The following ZSCAN18 variants were observed in gnomAD, a reference collection of about 807,000 sequenced individuals.
ZSCAN18 encodes zinc finger and SCAN domain containing 18, also known as zinc finger and SCAN domain-containing protein 18.
In ZSCAN18, 16 loss-of-function variants were observed where a neutral mutation model predicts 31.1. That is an observed-to-expected ratio of 0.51 (90% confidence interval 0.35 to 0.78). The LOEUF is 0.78. Ranked by LOEUF, ZSCAN18 falls within the 30% of genes least tolerant of loss-of-function variation. ZSCAN18 has a pLI of 0.01. For missense variants in ZSCAN18, 731 were observed against 697.4 expected, an observed-to-expected ratio of 1.05 and a Z score of -0.54; for synonymous variants, 375 against 320.7, an observed-to-expected ratio of 1.17 and a Z score of -1.81.
At chr19:58,110,042 T>A (rs2074667907) in intron 1 of ZSCAN18, among the ~76,000 whole-genome samples, 1 of 152,034 alleles carries the variant, frequency 6.6e-6, no homozygotes, top group Non-Finnish European at 1.5e-5. Context: ...TCACAGAAAA[T>A]TTTTTAAAAA....
At chr19:58,117,859 A>T (rs1199330857) in intron 1 of ZSCAN18, among the ~76,000 whole-genome samples, 1 of 151,346 alleles carries the variant, frequency 6.6e-6, no homozygotes, top group Admixed American at 6.6e-5. Context: ...TAGGAGAGAG[A>T]GTTAGAGGGT....
chr19:58,089,766 G>A, intron 2 of ZSCAN18, 99 bp downstream of exon 2: 3 of 1,429,548 alleles, frequency 2.1e-6, no homozygotes, highest in African/African-American at 1.4e-5. Flanking sequence ...GCAGTGTGGG[G>A]AACTTAACTA....
upstream of ZSCAN18, among the ~76,000 whole-genome samples, chr19:58,102,558 A>C (rs769352805): frequency 6.6e-6 from 1 of 152,244 alleles, no homozygotes. Context: ...TTGCAATAAA[A>C]TAACAATTAT....
rs1313973868 is a variant in ZSCAN18 at position 58,088,787 on chromosome 19, C to T, written c.454G>A (p.Val152Met). ...AGSSSILSDG[V>M]YERHMDPLLL... Reference sequence around the variant, plus strand: ...AGAGGGTCCATGTGCCTCTCGTACACTCCATCGCTAAGAATTGAGGATGAG... The same window carrying T: ...AGAGGGTCCATGTGCCTCTCGTACATTCCATCGCTAAGAATTGAGGATGAG... Residue 152 changes from valine (V) to methionine (M), a missense_variant, in exon 3 of 7, where the codon GTG (valine) becomes ATG (methionine). Physicochemically the swap from Val to Met is conservative, Grantham distance 21. Coordinates refer to ENST00000601144, the MANE Select transcript of ZSCAN18 (RefSeq NM_001145543.2). The T allele has an allele frequency of 6.2e-7, 1 of 1,612,762 alleles. No individual in the cohort carries two copies. The highest frequency in any genetic ancestry group is 1.3e-5 in the African/African-American group (1 of 75,056).
At chr19:58,098,486 A>G, upstream of ZSCAN18, 1 of 615,494 alleles carries the variant, frequency 1.6e-6, no homozygotes, top group Non-Finnish European at 2.0e-6. Context: ...AGAAACAAAG[A>G]CGGTGAGAAA....
At position 58,084,988 on chromosome 19, in the gene ZSCAN18, C is replaced by T. The variant is rs767287298; in HGVS notation, c.1230G>A (p.Gly410=). Reference sequence around the variant, plus strand: ...CGCACTCGCCGCAGGCATAGGGCTTCCCGCGGGACAAGCCCGGCTCGTCAG... The same window carrying T: ...CGCACTCGCCGCAGGCATAGGGCTTTCCGCGGGACAAGCCCGGCTCGTCAG... ...PGADEPGLSR[G]KPYACGECGE... is the part of the protein sequence containing the mutation. Residue 410 remains glycine (G), a synonymous_variant, in exon 7 of 7, where the codon GGG becomes GGA. Transcript: ENST00000601144. This position sits in a 1 kb window ranked among gnomAD's most constrained non-coding sequence, Gnocchi z 4.5. 5 of 1,597,196 alleles carry T rather than the reference C, an allele frequency of 3.1e-6. No homozygotes were observed. The highest frequency in any genetic ancestry group is 1.3e-5 in the African/African-American group (1 of 74,760).
chr19:58,098,042 G>A, intron 1 of ZSCAN18, 132 bp downstream of exon 1: 1 of 985,568 alleles, frequency 1.0e-6, no homozygotes, highest in Non-Finnish European at 1.2e-6. Flanking sequence ...TGGACGCACA[G>A]CGGGGGCTCG....
chr19:58,113,542 A>G (rs1363701496), intron 1 of ZSCAN18, among the ~76,000 whole-genome samples: 5 of 152,124 alleles, frequency 3.3e-5, no homozygotes, highest in Non-Finnish European at 7.4e-5. Flanking sequence ...GTAGCATTTC[A>G]TCTTGTAGCC....
chr19:58,097,879 C>T (rs2074551095), intron 1 of ZSCAN18: 1 of 960,944 alleles, frequency 1.0e-6, no homozygotes, highest in East Asian at 1.3e-4. Flanking sequence ...GTGCCCTAAG[C>T]GCCTCCCCTC....
intron 1 of ZSCAN18, among the ~76,000 whole-genome samples, chr19:58,112,375 G>A (rs2074690290): frequency 6.6e-6 from 1 of 152,150 alleles, no homozygotes; most frequent in Admixed American, 6.5e-5. Context: ...TCAAGGCTGG[G>A]CGTGGTGGCT....
chr19:58,091,962 G>A (rs2074420751), intron 1 of ZSCAN18, among the ~76,000 whole-genome samples: 1 of 152,118 alleles, frequency 6.6e-6, no homozygotes, highest in South Asian at 2.1e-4. Flanking sequence ...GTCAAGTTCT[G>A]CTCTGACAGT....
intron 6 of ZSCAN18, chr19:58,085,902 G>A (rs879736364): frequency 2.1e-5 from 9 of 424,912 alleles, no homozygotes; most frequent in Admixed American, 1.9e-4. Context: ...CAATGGGGCA[G>A]AACGGCCACC....
chr19:58,093,926 A>T (rs117993603), intron 1 of ZSCAN18, among the ~76,000 whole-genome samples: 4 of 151,660 alleles, frequency 2.6e-5, no homozygotes, highest in Admixed American at 2.0e-4. Context: ...CCCCATGCCT[A>T]GCTAATTTTT....
intron 1 of ZSCAN18, among the ~76,000 whole-genome samples, chr19:58,114,861 T>C (rs1354592495): frequency 6.6e-6 from 1 of 152,206 alleles, no homozygotes; most frequent in Non-Finnish European, 1.5e-5. Flanking sequence ...CCTGGAGAGA[T>C]ATTCCAGGAT....
intron 1 of ZSCAN18, chr19:58,092,727 C>T (rs1327935697): frequency 1.0e-6 from 1 of 983,778 alleles, no homozygotes; most frequent in Non-Finnish European, 1.2e-6. Context: ...TCAAGCAGAA[C>T]AGAGCCATGC....
upstream of ZSCAN18, among the ~76,000 whole-genome samples, chr19:58,102,382 A>G (rs144319009): frequency 0.013 from 2,005 of 152,144 alleles, 34 homozygotes; most frequent in African/African-American, 0.045. Context: ...AATGGTGTGA[A>G]CCCGGGAGGC....
In ZSCAN18 at chr19:58,085,073, A is replaced by T; in HGVS notation, c.1145T>A (p.Leu382His). 1.2e-6 allele frequency: 2 copies of T among 1,602,506 alleles called. No individual in the cohort carries two copies. Among genetic ancestry groups the T allele is most frequent in the Non-Finnish European group, 1.7e-6 (2 of 1,173,456 alleles). The change falls in exon 7 of 7, where the codon CTC becomes CAC. Residue 382 changes from leucine to histidine, a missense_variant. Around this residue, in one of 4 missense-constraint regions of ZSCAN18, gnomAD observed 597 missense variants for 499.5 expected, o/e 1.20. Transcript: ENST00000601144. The stretch of plus-strand genomic sequence containing the variant: ...GTCGCCGGAGCTAGAGACGCCCTCG[A>T]GGCTCTGCCCGTCCCCATCCTCGGG... ...PHPEDGDGQS[L>H]EGVSSSGDSA...
intron 1 of ZSCAN18, among the ~76,000 whole-genome samples, chr19:58,103,565 T>A (rs760684825): frequency 2.6e-5 from 4 of 152,212 alleles, no homozygotes; most frequent in Non-Finnish European, 5.9e-5. Context: ...GACAATGAAC[T>A]CAGCAGATAA....
intron 2 of ZSCAN18, among the ~76,000 whole-genome samples, chr19:58,089,498 C>T (rs1437017686): frequency 2.6e-5 from 4 of 151,816 alleles, no homozygotes; most frequent in African/African-American, 7.3e-5. Context: ...TCGTGGCAGG[C>T]GCCTGTAATC....
Sources: allele counts gnomAD v4.1 joint callset (sites outside exome capture counted in the v4.1 genomes callset), GRCh38; gene constraint gnomAD v4.1.1; regional missense constraint gnomAD v4.1.1; non-coding constraint Gnocchi (gnomAD v3.1); transcripts MANE v1.5; gene names NCBI Gene and HGNC (gene_info 2026-07-23, HGNC 2026-07-21).